Variants in MAN1A1 observed in about 807,000 individuals in gnomAD.
MAN1A1 encodes the protein mannosyl-oligosaccharide 1,2-alpha-mannosidase IA.
In MAN1A1, 29 loss-of-function variants were observed where a neutral mutation model predicts 70.8. The observed-to-expected ratio is 0.41, with a 90% CI of 0.31 to 0.56. The LOEUF is 0.56. Among genes scored for constraint, MAN1A1 ranks in the 20% least tolerant of loss-of-function variants. The pLI, the probability that MAN1A1 is intolerant of heterozygous loss-of-function variation, is 0.29. For synonymous variants in MAN1A1, 349 were observed against 330.1 expected, an observed-to-expected ratio of 1.06 and a Z score of -0.62; for missense variants, 747 against 841.3, an observed-to-expected ratio of 0.89 and a Z score of 1.39.
At chr6:119,217,836 A>T (rs569728489) in intron 6 of MAN1A1, among the ~76,000 whole-genome samples, 2 of 152,190 alleles carry the variant, frequency 1.3e-5, no homozygotes, top group African/African-American at 2.4e-5. Flanking sequence ...ACATATATGG[A>T]TATCTAGAAA....
intron 4 of MAN1A1, among the ~76,000 whole-genome samples, chr6:119,294,175 C>A (rs1484163604): frequency 1.3e-5 from 2 of 152,090 alleles, no homozygotes; most frequent in Non-Finnish European, 1.5e-5. Context: ...AGTTGACCAA[C>A]TTCCTTTGGG....
chr6:119,264,513 A>G (rs1246603867), intron 5 of MAN1A1, among the ~76,000 whole-genome samples: 1 of 152,214 alleles, frequency 6.6e-6, no homozygotes, highest in Non-Finnish European at 1.5e-5. Context: ...GTTATATTTA[A>G]GAGTAAATAG....
chr6:119,343,265 G>A (rs1773644330), intron 2 of MAN1A1, among the ~76,000 whole-genome samples: 1 of 151,980 alleles, frequency 6.6e-6, no homozygotes, highest in Non-Finnish European at 1.5e-5. Context: ...ACAATTCTTT[G>A]GGGTTTTATT....
At chr6:119,225,783 G>A (rs2142891) in intron 6 of MAN1A1, among the ~76,000 whole-genome samples, 129,818 of 152,148 alleles carry the variant, frequency 0.85, 55,700 homozygotes, top group Non-Finnish European at 0.9. Context: ...CCTTCTTTAT[G>A]TATTTTTTAA....
At chr6:119,241,177 G>A (rs527349755) in intron 6 of MAN1A1, among the ~76,000 whole-genome samples, 2 of 152,236 alleles carry the variant, frequency 1.3e-5, no homozygotes, top group East Asian at 3.9e-4. Context: ...AGGGGAAAAA[G>A]GACATGCAAA....
At chr6:119,260,742 C>T (rs1775584765) in intron 5 of MAN1A1, among the ~76,000 whole-genome samples, 1 of 152,102 alleles carries the variant, frequency 6.6e-6, no homozygotes. Flanking sequence ...TCTTACAGTA[C>T]TATAAACAAC....
intron 2 of MAN1A1, among the ~76,000 whole-genome samples, chr6:119,328,599 T>C (rs188137534): frequency 1.2e-3 from 185 of 152,326 alleles, no homozygotes; most frequent in African/African-American, 4.3e-3. Flanking sequence ...CAAGAATTTA[T>C]GGAATGAATA....
chr6:119,348,344 G>A (rs1773792417), intron 2 of MAN1A1, 119 bp downstream of exon 2: 1 of 1,016,190 alleles, frequency 9.8e-7, no homozygotes, highest in Non-Finnish European at 1.4e-6. Context: ...CTGGTGGAAG[G>A]GGCAAACCTC....
In MAN1A1 at chr6:119,349,010, C is replaced by A. The variant is rs775721985; in HGVS notation, c.56G>T (p.Gly19Val). ...GCCACCGCCGCCGCCGAGCCCCCCG[C>A]CCAGGACGCCGCCCGCGGGGCTGCT... The part of the protein sequence containing the change: ...LFSSPAGGVL[G>V]GGLGGGGGRK... The change falls in exon 2 of 13, where the codon GGC (glycine) becomes GTC (valine). Residue 19 changes from glycine to valine, a missense_variant. Transcript: ENST00000368468. The A allele has an allele frequency of 3.6e-6, 5 of 1,385,416 alleles. No individual in the cohort carries two copies. The highest frequency in any genetic ancestry group is 3.8e-6 in the Non-Finnish European group (4 of 1,065,852). The allele number at this position is 1,385,416 out of a possible 1,614,324, so 85.8% of individuals were successfully genotyped here.
chr6:119,332,976 G>A (rs1353728627), intron 2 of MAN1A1, among the ~76,000 whole-genome samples: 1 of 152,048 alleles, frequency 6.6e-6, no homozygotes, highest in Non-Finnish European at 1.5e-5. Flanking sequence ...TGTGAAGACA[G>A]GGCACTCCAG....
chr6:119,313,548 C>T (rs1363374920), intron 2 of MAN1A1, among the ~76,000 whole-genome samples: 1 of 151,848 alleles, frequency 6.6e-6, no homozygotes, highest in East Asian at 1.9e-4. Context: ...CCCAATGTTA[C>T]AATGACAATC....
chr6:119,326,117 A>G (rs1773140702), intron 2 of MAN1A1, among the ~76,000 whole-genome samples: 1 of 152,234 alleles, frequency 6.6e-6, no homozygotes, highest in African/African-American at 2.4e-5. Context: ...GGCCGTAGAT[A>G]GGTGAAATAC....
intron 5 of MAN1A1, among the ~76,000 whole-genome samples, chr6:119,286,089 GCT>G (rs1582768589): frequency 6.6e-6 from 1 of 152,024 alleles, no homozygotes; most frequent in Admixed American, 6.6e-5. Flanking sequence ...TTTTTCCACA[GCT>G]CTGTTTGAAT....
intron 5 of MAN1A1, among the ~76,000 whole-genome samples, chr6:119,283,332 T>C (rs1239693265): frequency 2.0e-5 from 3 of 152,214 alleles, no homozygotes; most frequent in Non-Finnish European, 4.4e-5. Flanking sequence ...GAAAACCTGT[T>C]GAAGAGTTTT....
chr6:119,280,891 T>C (rs1395741009), intron 5 of MAN1A1, among the ~76,000 whole-genome samples: 1 of 152,198 alleles, frequency 6.6e-6, no homozygotes. Context: ...GTGACTGACC[T>C]AGTGAGCACT....
chr6:119,223,411 A>G (rs929223624), intron 6 of MAN1A1, among the ~76,000 whole-genome samples: 2 of 152,042 alleles, frequency 1.3e-5, no homozygotes, highest in Non-Finnish European at 2.9e-5. Context: ...ATTTGACTTA[A>G]AAAAAAGTAA....
intron 9 of MAN1A1, among the ~76,000 whole-genome samples, chr6:119,192,906 CT>C (rs1358950692): frequency 6.6e-6 from 1 of 152,058 alleles, no homozygotes; most frequent in Non-Finnish European, 1.5e-5. Flanking sequence ...GGAGGTGTTT[CT>C]TAGTTTACTT....
intron 4 of MAN1A1, among the ~76,000 whole-genome samples, chr6:119,293,532 T>G (rs1417118131): frequency 6.6e-6 from 1 of 152,052 alleles, no homozygotes; most frequent in Non-Finnish European, 1.5e-5. Flanking sequence ...CTCTGGAACA[T>G]CACACCACCA....
chr6:119,263,085 T>TC (rs1362829419), intron 5 of MAN1A1, among the ~76,000 whole-genome samples: 3 of 152,186 alleles, frequency 2.0e-5, no homozygotes, highest in Non-Finnish European at 4.4e-5. Context: ...ACATCAGACT[T>TC]CAAGTTCTTC....
Sources: gnomAD v4.1 joint callset for allele counts (sites outside exome capture counted in the v4.1 genomes callset) on GRCh38, gnomAD v4.1.1 for gene constraint, MANE v1.5 for transcripts, NCBI Gene and HGNC (gene_info 2026-07-23, HGNC 2026-07-21) for gene names.